The following PSG6 variants were observed in gnomAD, a reference collection of about 807,000 sequenced individuals.
PSG6 encodes the protein pregnancy-specific beta-1-glycoprotein 6.
In PSG6, 51 loss-of-function variants were observed where a neutral mutation model predicts 43.3. That is an observed-to-expected ratio of 1.18 (90% CI 0.94 to 1.49). PSG6 has a LOEUF of 1.49. Among genes scored for constraint, PSG6 ranks in the 40% most tolerant of loss-of-function variants. PSG6 has a pLI of 0.00. For synonymous variants in PSG6, 292 were observed against 197.6 expected (o/e 1.48, Z -4.01); for missense variants, 770 against 522.2 (o/e 1.47, Z -4.62).
intron 1 of PSG6, 66 bp from the exon 2 acceptor site, chr19:42,916,553 T>G: frequency 1.9e-6 from 3 of 1,541,044 alleles, no homozygotes; most frequent in Non-Finnish European, 2.6e-6. Context: ...GATGGGGCCC[T>G]GTGTCCTGAG....
intron 4 of PSG6, 114 bp downstream of exon 4, chr19:42,907,462 T>G: frequency 6.5e-7 from 1 of 1,548,978 alleles, no homozygotes; most frequent in South Asian, 1.3e-5. Context: ...CCAGGTCTGA[T>G]GTCCAGAAGT....
intron 5 of PSG6, among the ~76,000 whole-genome samples, chr19:42,905,020 C>T (rs982160840): frequency 1.3e-5 from 2 of 151,644 alleles, no homozygotes; most frequent in African/African-American, 2.4e-5. Flanking sequence ...GTGCCAAGAT[C>T]GTTCAATGGG....
At chr19:42,910,275 G>A in intron 3 of PSG6, 4 of 622,862 alleles carry the variant, frequency 6.4e-6, no homozygotes, top group Non-Finnish European at 1.1e-5. Flanking sequence ...GAGCCAAGTT[G>A]CAACACTGAA....
At position 42,907,388 on chromosome 19, in the gene PSG6, C is replaced by A. The variant is rs1237184675; in HGVS notation, c.985+188G>T. Among the ~76,000 whole-genome samples, 15 of 151,876 alleles carry A rather than the reference C, an allele frequency of 9.9e-5. 1 individual carries two copies. The highest frequency in any genetic ancestry group is 1.9e-4 in the East Asian group (1 of 5,170). On this transcript the variant is annotated intron_variant, in intron 4 of 5. Coordinates refer to ENST00000187910, the MANE Select transcript of PSG6 (RefSeq NM_001031850.4). ...CCTAGTGTCCCATGACAAGAGCGCC[C>A]CTCCCCTTATATTCTTGGTTAAGGC...
At position 42,913,424 on chromosome 19, in the gene PSG6, C is replaced by T. The variant is rs149342246; in HGVS notation, c.428-2566G>A. 5.3e-5 allele frequency among the ~76,000 whole-genome samples: 8 copies of T among 151,918 alleles called. No individual in the cohort carries two copies. The East Asian group carries it at 9.7e-4, about 18-fold the overall frequency. ...CCTCCCAAAGTGCTGGGATTATAGG[C>T]GTGAGCCACTGTGCCCAGCCATCTC... On this transcript the variant is annotated intron_variant, in intron 2 of 5. Transcript: ENST00000187910.
chr19:42,911,600 C>T (rs1028890729), intron 2 of PSG6, among the ~76,000 whole-genome samples: 1 of 151,652 alleles, frequency 6.6e-6, no homozygotes, highest in African/African-American at 2.4e-5. Flanking sequence ...CCATGATGCT[C>T]CCTTCCCCCT....
At chr19:42,903,660 C>A (rs1972068596) in intron 5 of PSG6, 5 of 1,523,768 alleles carry the variant, frequency 3.3e-6, no homozygotes, top group Non-Finnish European at 4.4e-6. Context: ...GAGGTCACAG[C>A]AGAAGGATTT....
intron 4 of PSG6, among the ~76,000 whole-genome samples, 165 bp from the exon 5 acceptor site, chr19:42,907,341 C>G (rs980366454): frequency 2.0e-5 from 3 of 151,932 alleles, no homozygotes; most frequent in Non-Finnish European, 4.4e-5. Context: ...TCCCCTGTTT[C>G]TCTCATTACA....
intron 5 of PSG6, chr19:42,906,678 C>T: frequency 1.4e-6 from 2 of 1,436,790 alleles, no homozygotes; most frequent in South Asian, 1.5e-5. Context: ...ACATAGGGCT[C>T]AGGGCTGATA....
chr19:42,912,907 A>G (rs1218674083), intron 2 of PSG6, among the ~76,000 whole-genome samples: 1 of 151,692 alleles, frequency 6.6e-6, no homozygotes, highest in Admixed American at 6.6e-5. Flanking sequence ...CCAAACCACA[A>G]GTATTCCCGT....
At chr19:42,913,370 T>C (rs1381539562) in intron 2 of PSG6, among the ~76,000 whole-genome samples, 1 of 151,762 alleles carries the variant, frequency 6.6e-6, no homozygotes, top group Non-Finnish European at 1.5e-5. Context: ...CAGGATGGTC[T>C]CTATCTCCTG....
chr19:42,910,597 A>T lies in PSG6; in HGVS notation c.689T>A (p.Val230Asp). The T allele has an allele frequency of 6.2e-7, 1 of 1,612,534 alleles. No individual in the cohort carries two copies. The change falls in exon 3 of 6, where the codon GTC (valine) becomes GAC (aspartate). Residue 230 changes from valine to aspartate, a missense_variant. By Grantham distance (152) the Val-to-Asp change is radical. Transcript: ENST00000187910. ...ATACTCACGGAGGAGATTCAGGGTG[A>T]CTGGGTCACTGCGGCTGGCACTCAC... Reference protein sequence around the residue: ...NPVSASRSDPVTLNLLPKLPM... With the variant: ...NPVSASRSDPDTLNLLPKLPM...
chr19:42,914,913 T>C (rs1221198404), intron 2 of PSG6, among the ~76,000 whole-genome samples: 6 of 151,576 alleles, frequency 4.0e-5, no homozygotes, highest in African/African-American at 1.5e-4. Context: ...GGTTAAGATC[T>C]GAGGGGGAGA....
Position 42,902,170 on chromosome 19 carries a change from C to G in PSG6, c.*242G>C. On this transcript the variant is annotated 3_prime_UTR_variant, in exon 6 of 6. Transcript: ENST00000187910. ...AATTCTGGGGCACTCAGATAGAGAG[C>G]AAAAGCAAATGTTTCAATTTTTGTT... is the stretch of plus-strand genomic sequence containing the variant. 2.1e-6 allele frequency: 1 copy of G among 472,512 alleles called. No homozygotes were observed. Among genetic ancestry groups the G allele is most frequent in the South Asian group, 2.9e-5 (1 of 34,552 alleles). 29.3% of individuals were successfully genotyped at this position (472,512 alleles called of 1,614,324 possible). A position where few individuals can be genotyped will look rare whatever the true frequency, so the allele number is the denominator to read the frequency against.
rs1972056831 is a variant in PSG6 at position 42,902,848 on chromosome 19, CTT to C, written c.1241-404_1241-403del. ...TGATTCTTTGCACTTAGCTTTTTTT[CTT>C]TCTCTCCCACAATTAGTCAGTAACC... On this transcript the variant is annotated intron_variant, in intron 5 of 5. Transcript: ENST00000187910. 1.3e-5 allele frequency among the ~76,000 whole-genome samples: 2 copies of C among 151,352 alleles called. 1 individual carries two copies. The highest frequency in any genetic ancestry group is 4.2e-4 in the South Asian group (2 of 4,766).
chr19:42,908,223 A>G lies in PSG6; in HGVS notation c.707-369T>C, dbSNP rs202022515. On this transcript the variant is annotated intron_variant, in intron 3 of 5. Transcript: ENST00000187910. ...GCAACTGCTGGGCCCCTTCCAAATT[A>G]CATCCTACTTTGCCCCCCTAGATGT... is the stretch of plus-strand genomic sequence containing the variant. 3.8e-3 allele frequency among the ~76,000 whole-genome samples: 573 copies of G among 151,572 alleles called. 21 individuals are homozygous for G. Among genetic ancestry groups the G allele is most frequent in the Non-Finnish European group, 6.9e-3 (466 of 67,828 alleles).
chr19:42,906,776 G>A (rs941940195), intron 5 of PSG6, 146 bp downstream of exon 5: 28 of 1,590,002 alleles, frequency 1.8e-5, no homozygotes, highest in Non-Finnish European at 2.3e-5. Context: ...GTAGAGATAA[G>A]TTGGGAGGGT....
At chr19:42,910,192 T>C (rs1223240749) in intron 3 of PSG6, 7 of 367,160 alleles carry the variant, frequency 1.9e-5, no homozygotes, top group African/African-American at 4.2e-5. Context: ...AAGAGAATAA[T>C]GTCACAGGCG....
At chr19:42,909,169 C>A (rs1972173128) in intron 3 of PSG6, among the ~76,000 whole-genome samples, 1 of 151,596 alleles carries the variant, frequency 6.6e-6, no homozygotes, top group Non-Finnish European at 1.5e-5. Context: ...GATTAGTAGG[C>A]AAAAGTGGGA....
Sources: gnomAD v4.1 joint callset for allele counts (sites outside exome capture counted in the v4.1 genomes callset) on GRCh38, gnomAD v4.1.1 for gene constraint, MANE v1.5 for transcripts, NCBI Gene and HGNC (gene_info 2026-07-23, HGNC 2026-07-21) for gene names.